Variants in EPB41L3 observed in about 807,000 individuals in gnomAD.
The protein encoded by EPB41L3 is band 4.1-like protein 3.
Under a neutral mutation model 127.1 loss-of-function variants are expected in EPB41L3, and 57 were observed. The observed-to-expected ratio is 0.45, with a 90% CI of 0.36 to 0.56. The LOEUF (loss-of-function observed/expected upper bound fraction) is 0.56, where lower values mean the gene tolerates loss of function less well. EPB41L3 is among the 20% of genes least tolerant of loss of function. The pLI is 0.00. For missense variants in EPB41L3, 1,273 were observed against 1,372.2 expected (o/e 0.93, Z 1.14); for synonymous variants, 572 against 549.5 (o/e 1.04, Z -0.57).
chr18:5,449,414 G>A lies in EPB41L3; in HGVS notation c.382-4170C>T, dbSNP rs190855643. Among the ~76,000 whole-genome samples, 67 of 152,322 alleles carry A rather than the reference G, an allele frequency of 4.4e-4. No individual in the cohort carries two copies. In the East Asian group the frequency reaches 0.012, roughly 27 times the overall value. The stretch of plus-strand genomic sequence containing the variant: ...CAAAATGGTAGAGCCACTCAAGACA[G>A]TTTGGCAGTTTCTTACAAAACTAAA... On this transcript the variant is annotated intron_variant, in intron 3 of 22. Coordinates refer to ENST00000341928, the MANE Select transcript of EPB41L3 (RefSeq NM_012307.5).
intron 1 of EPB41L3, among the ~76,000 whole-genome samples, chr18:5,623,969 G>A (rs2094894182): frequency 6.6e-6 from 1 of 152,008 alleles, no homozygotes; most frequent in Non-Finnish European, 1.5e-5. Context: ...AAAAATGTAT[G>A]AGACCATAAG....
chr18:5,526,247 G>A (rs562101478), intron 1 of EPB41L3, among the ~76,000 whole-genome samples: 20 of 152,284 alleles, frequency 1.3e-4, no homozygotes, highest in African/African-American at 4.8e-4. Flanking sequence ...GAGCCAAAGA[G>A]GAGAAGCGCC....
In EPB41L3 at chr18:5,396,184, T is replaced by G. The variant is rs780222810; in HGVS notation, c.2973+17A>C. On this transcript the variant is annotated intron_variant, in intron 19 of 22. Transcript: ENST00000341928. ...GAAATAAGCAGCCAGGGCTCTGGTC[T>G]TCACAGAATATCTCACCTGTGATGA... 3.4e-5 allele frequency: 55 copies of G among 1,613,942 alleles called. No homozygotes were observed. Among genetic ancestry groups the G allele is most frequent in the Non-Finnish European group, 4.5e-5 (53 of 1,179,890 alleles).
chr18:5,544,406 G>A, upstream of EPB41L3: 1 of 778,740 alleles, frequency 1.3e-6, no homozygotes, highest in Non-Finnish European at 1.6e-6. Context: ...AGGGACTGCA[G>A]TATTTTTTTT....
intron 1 of EPB41L3, among the ~76,000 whole-genome samples, chr18:5,531,192 G>A (rs543333595): frequency 6.6e-6 from 1 of 152,318 alleles, no homozygotes; most frequent in South Asian, 2.1e-4. Flanking sequence ...GTATGTTTCT[G>A]AGAGGTTCAC....
chr18:5,608,595 C>T (rs756786559), intron 3 of EPB41L3, among the ~76,000 whole-genome samples: 2 of 152,108 alleles, frequency 1.3e-5, no homozygotes, highest in Non-Finnish European at 2.9e-5. Flanking sequence ...TTCAAGGTCC[C>T]AGACAGATGG....
In EPB41L3 at chr18:5,617,355, G is replaced by A. The variant is rs182416358; in HGVS notation, c.-467-2932C>T. ...TTTTTTTGAGACGGAGTCTCACTCT[G>A]TCGCCCAGGCTGGAGTGCAGTGGTG... On this transcript the variant is annotated intron_variant, in intron 1 of 21. Coordinates refer to the EPB41L3 transcript ENST00000545076. 4.1e-3 allele frequency among the ~76,000 whole-genome samples: 585 copies of A among 141,200 alleles called. 8 individuals carry two copies. The highest frequency in any genetic ancestry group is 6.5e-3 in the Non-Finnish European group (428 of 66,276). The allele number at this position is 141,200 out of a possible 152,430, so 92.6% of individuals were successfully genotyped here. A position where few individuals can be genotyped will look rare whatever the true frequency, so the allele number is the denominator to read the frequency against.
intron 11 of EPB41L3, 92 bp from the exon 12 acceptor site, chr18:5,419,969 T>A: frequency 6.3e-7 from 1 of 1,599,144 alleles, no homozygotes. Context: ...AAATCCAAAA[T>A]AGTTAGGTCA....
intron 3 of EPB41L3, among the ~76,000 whole-genome samples, chr18:5,448,728 T>C (rs2081886884): frequency 6.6e-6 from 1 of 152,204 alleles, no homozygotes; most frequent in Non-Finnish European, 1.5e-5. Flanking sequence ...ATTCAGTTTG[T>C]ATATACTATT....
Position 5,410,607 on chromosome 18 carries a change from G to A in EPB41L3, c.2080C>T (p.Arg694Cys), listed in dbSNP as rs143942399. The A allele has an allele frequency of 8.3e-5, 134 of 1,613,236 alleles. No homozygotes were observed. Among genetic ancestry groups the A allele is most frequent in the Admixed American group, 3.5e-4 (21 of 59,938 alleles). Residue 694 changes from arginine (R) to cysteine (C), a missense_variant, in exon 14 of 23, where the codon CGC becomes TGC. Arg to Cys is a radical substitution (Grantham distance 180). Transcript: ENST00000341928. ...TCCCCGTCGGCTGCGGTGTCCGTGC[G>A]CTCACTGTCAGTCTGTTGACCACAG... Reference protein sequence around the residue: ...DSSEEETDSERTDTAADGETT... With the variant: ...DSSEEETDSECTDTAADGETT...
intron 11 of EPB41L3, among the ~76,000 whole-genome samples, chr18:5,422,943 C>T (rs1028528465): frequency 2.6e-5 from 4 of 152,154 alleles, no homozygotes; most frequent in Non-Finnish European, 4.4e-5. Flanking sequence ...TGATAAAGGT[C>T]ACACTTTATT....
chr18:5,396,213 A>G lies in EPB41L3; in HGVS notation c.2961T>C (p.Tyr987=), dbSNP rs772420921. 3.1e-6 allele frequency: 5 copies of G among 1,614,158 alleles called. No homozygotes were observed. Among genetic ancestry groups the G allele is most frequent in the Admixed American group, 3.3e-5 (2 of 60,030 alleles). The part of the protein sequence containing the change: ...VVHTETKTIT[Y]ESSQVDPGTD... ...CAGAATATCTCACCTGTGATGATTC[A>G]TATGTGATGGTTTTGGTTTCGGTGT... The change falls in exon 19 of 23, where the codon TAT becomes TAC. Residue 987 remains tyrosine, a synonymous_variant. Coordinates refer to ENST00000341928, the MANE Select transcript of EPB41L3 (RefSeq NM_012307.5).
intron 1 of EPB41L3, among the ~76,000 whole-genome samples, chr18:5,619,444 A>G (rs913589901): frequency 1.3e-5 from 2 of 152,176 alleles, no homozygotes; most frequent in African/African-American, 4.8e-5. Context: ...TGGGTCAGAC[A>G]CTTTTTCCCA....
chr18:5,538,414 G>A (rs2093631769), intron 1 of EPB41L3, among the ~76,000 whole-genome samples: 1 of 152,154 alleles, frequency 6.6e-6, no homozygotes, highest in African/African-American at 2.4e-5. Context: ...CTTTTTCTCT[G>A]CAACATGGCT....
chr18:5,398,860 G>C (rs1275368545), intron 16 of EPB41L3: 1 of 399,194 alleles, frequency 2.5e-6, no homozygotes, highest in Non-Finnish European at 4.4e-6. Context: ...TCCAGCTGTG[G>C]AGCCTTCTTG....
intron 1 of EPB41L3, among the ~76,000 whole-genome samples, chr18:5,512,440 G>C (rs1207227525): frequency 6.6e-6 from 1 of 151,972 alleles, no homozygotes; most frequent in African/African-American, 2.4e-5. Flanking sequence ...TGGTAAGACA[G>C]GAGGCTCAAG....
chr18:5,559,800 T>C (rs964181883), intron 3 of EPB41L3, among the ~76,000 whole-genome samples: 2 of 152,214 alleles, frequency 1.3e-5, no homozygotes, highest in African/African-American at 4.8e-5. Context: ...TATCTCAGAT[T>C]CTCAGTACAT....
At chr18:5,436,893 G>A (rs2079921664) in intron 6 of EPB41L3, among the ~76,000 whole-genome samples, 1 of 152,060 alleles carries the variant, frequency 6.6e-6, no homozygotes, top group African/African-American at 2.4e-5. Context: ...TAATATGTCT[G>A]GTGAAATTAT....
At chr18:5,399,498 C>T (rs546973111) in intron 16 of EPB41L3, 4 of 397,620 alleles carry the variant, frequency 1.0e-5, no homozygotes, top group African/African-American at 8.2e-5. Context: ...GTGATGGGAC[C>T]ATACAGTGCT....
Sources: gnomAD v4.1 joint callset for allele counts (sites outside exome capture counted in the v4.1 genomes callset) on GRCh38, gnomAD v4.1.1 for gene constraint, MANE v1.5 for transcripts, NCBI Gene and HGNC (gene_info 2026-07-23, HGNC 2026-07-21) for gene names.